NUDT3: variants seen among roughly 807,000 people sequenced by gnomAD.
The protein encoded by NUDT3 is diphosphoinositol polyphosphate phosphohydrolase 1.
A neutral mutation model predicts 23.6 loss-of-function variants in NUDT3; 9 were observed. The observed-to-expected ratio is 0.38, with a 90% CI of 0.23 to 0.66. The LOEUF (loss-of-function observed/expected upper bound fraction) is 0.66. NUDT3 is among the 30% of genes least tolerant of loss of function. The pLI, the probability that NUDT3 is intolerant of heterozygous loss-of-function variation, is 0.52. For synonymous variants in NUDT3, 86 were observed against 82.6 expected, an observed-to-expected ratio of 1.04 and a Z score of -0.22; for missense variants, 172 against 218.5, an observed-to-expected ratio of 0.79 and a Z score of 1.34.
At chr6:34,302,831 C>T (rs1287594645) in intron 2 of NUDT3, among the ~76,000 whole-genome samples, 3 of 152,142 alleles carry the variant, frequency 2.0e-5, no homozygotes, top group Non-Finnish European at 2.9e-5. Context: ...TTTTATCGTA[C>T]GATCCATCTG....
At chr6:34,346,015 C>T (rs1764363236) in intron 1 of NUDT3, among the ~76,000 whole-genome samples, 1 of 151,720 alleles carries the variant, frequency 6.6e-6, no homozygotes, top group Non-Finnish European at 1.5e-5. Context: ...GTCATCCGCC[C>T]GCCTTGGCCT....
chr6:34,376,048 T>C (rs971355211), intron 1 of NUDT3, among the ~76,000 whole-genome samples: 7 of 152,192 alleles, frequency 4.6e-5, no homozygotes, highest in South Asian at 2.1e-4. Flanking sequence ...ACTGTATCTA[T>C]AGTCCTAACT....
intron 2 of NUDT3, among the ~76,000 whole-genome samples, chr6:34,303,867 C>T (rs1763635854): frequency 6.6e-6 from 1 of 152,194 alleles, no homozygotes; most frequent in African/African-American, 2.4e-5. Context: ...TCTACGGCTG[C>T]TTTCACATCA....
intron 1 of NUDT3, among the ~76,000 whole-genome samples, chr6:34,355,296 T>C (rs73744885): frequency 0.017 from 2,510 of 149,634 alleles, 71 homozygotes; most frequent in African/African-American, 0.061. Flanking sequence ...ATGGTGGTTC[T>C]TTTTTTTAGT....
Position 34,341,853 on chromosome 6 carries a change from C to G in NUDT3, c.210+9G>C, listed in dbSNP as rs1764293052. On this transcript the variant is annotated intron_variant, in intron 2 of 4. Transcript: ENST00000607016. ...AGGCACAGCTGTGCCCTCTCTTCTC[C>G]ATGCATACCTCCTCACAGACTTCAC... 1 of 1,612,698 alleles carries G rather than the reference C, an allele frequency of 6.2e-7. No homozygotes were observed. The highest frequency in any genetic ancestry group is 8.5e-7 in the Non-Finnish European group (1 of 1,179,258).
chr6:34,389,725 C>T (rs556834798), intron 1 of NUDT3, among the ~76,000 whole-genome samples: 1 of 151,968 alleles, frequency 6.6e-6, no homozygotes, highest in Non-Finnish European at 1.5e-5. Context: ...GCACTTTGGG[C>T]GGCCAACGCG....
At chr6:34,373,809 C>T (rs943208072) in intron 1 of NUDT3, among the ~76,000 whole-genome samples, 2 of 152,128 alleles carry the variant, frequency 1.3e-5, no homozygotes, top group African/African-American at 4.8e-5. Context: ...CCTTTCATTC[C>T]ACCTGTTTTT....
intron 2 of NUDT3, among the ~76,000 whole-genome samples, chr6:34,333,693 T>C (rs983150359): frequency 3.3e-5 from 5 of 152,242 alleles, no homozygotes; most frequent in African/African-American, 1.2e-4. Flanking sequence ...CAGATGGTAC[T>C]TAACCATGGG....
Position 34,288,689 on chromosome 6 carries a change from G to A in NUDT3, c.*64C>T. ...TGTGAGAAGTGGAAAGAGCCAGGGT[G>A]AGAGGGAAGATTTGCACTTCAGTCT... On this transcript the variant is annotated 3_prime_UTR_variant, in exon 5 of 5. Coordinates refer to ENST00000607016, the MANE Select transcript of NUDT3 (RefSeq NM_006703.4). 6.5e-7 allele frequency: 1 copy of A among 1,548,604 alleles called. No individual in the cohort carries two copies. Among genetic ancestry groups the A allele is most frequent in the African/African-American group, 1.4e-5 (1 of 72,438 alleles).
At chr6:34,309,011 C>G (rs934408542) in intron 2 of NUDT3, among the ~76,000 whole-genome samples, 2 of 152,132 alleles carry the variant, frequency 1.3e-5, no homozygotes. Flanking sequence ...TTCTGAACTA[C>G]AAGACACACC....
intron 1 of NUDT3, among the ~76,000 whole-genome samples, chr6:34,353,798 T>G (rs563715411): frequency 3.3e-5 from 5 of 152,082 alleles, no homozygotes; most frequent in Non-Finnish European, 5.9e-5. Flanking sequence ...ACCTCCCGGG[T>G]TCAGGCAATC....
intron 1 of NUDT3, among the ~76,000 whole-genome samples, chr6:34,352,878 A>G (rs1265684060): frequency 6.6e-6 from 1 of 152,224 alleles, no homozygotes; most frequent in African/African-American, 2.4e-5. Flanking sequence ...TTTTAGTTTT[A>G]AAATGAGATG....
chr6:34,304,946 A>AT (rs1763656751), intron 2 of NUDT3, among the ~76,000 whole-genome samples: 1 of 138,094 alleles, frequency 7.2e-6, no homozygotes, highest in East Asian at 2.1e-4. Flanking sequence ...TGCTGGGATT[A>AT]TAGGCATGAG....
At chr6:34,320,626 G>C (rs990917196) in intron 2 of NUDT3, among the ~76,000 whole-genome samples, 1 of 152,108 alleles carries the variant, frequency 6.6e-6, no homozygotes, top group African/African-American at 2.4e-5. Context: ...CTTGAGCCCG[G>C]AGTTCGAGAC....
chr6:34,354,357 T>C (rs1027428393), intron 1 of NUDT3, among the ~76,000 whole-genome samples: 7 of 150,152 alleles, frequency 4.7e-5, no homozygotes, highest in Admixed American at 6.7e-5. Flanking sequence ...TGAACAGCCA[T>C]TGCACTCCAG....
chr6:34,289,187 TCCTCCTGC>T (rs1403173463), intron 4 of NUDT3, among the ~76,000 whole-genome samples: 1 of 152,190 alleles, frequency 6.6e-6, no homozygotes, highest in Non-Finnish European at 1.5e-5. Context: ...GCTAGTGTTT[TCCTCCTGC>T]CCTCCTGCGT....
intron 1 of NUDT3, among the ~76,000 whole-genome samples, chr6:34,388,441 T>C (rs561673402): frequency 4.6e-5 from 7 of 152,356 alleles, no homozygotes; most frequent in Non-Finnish European, 7.3e-5. Flanking sequence ...TTAGTGCCCA[T>C]TAAAATTTTT....
At chr6:34,337,090 T>C (rs115508657) in intron 2 of NUDT3, among the ~76,000 whole-genome samples, 2,397 of 152,314 alleles carry the variant, frequency 0.016, 55 homozygotes, top group African/African-American at 0.052. Context: ...GCCACTGAAC[T>C]GTTTCTGTAA....
chr6:34,348,636 C>G (rs1049852767), intron 1 of NUDT3, among the ~76,000 whole-genome samples: 1 of 151,876 alleles, frequency 6.6e-6, no homozygotes, highest in Non-Finnish European at 1.5e-5. Flanking sequence ...ATTAGCCGGG[C>G]GTGGTGGCGG....
Sources: allele counts gnomAD v4.1 joint callset (sites outside exome capture counted in the v4.1 genomes callset), GRCh38; gene constraint gnomAD v4.1.1; transcripts MANE v1.5; gene names NCBI Gene and HGNC (gene_info 2026-07-23, HGNC 2026-07-21).